SH3BGRL2: variants seen among roughly 807,000 people sequenced by gnomAD.
SH3BGRL2 encodes SH3 domain-binding glutamic acid-rich-like protein 2.
Under a neutral mutation model 14.8 loss-of-function variants are expected in SH3BGRL2, and 21 were observed. The ratio of observed to expected loss-of-function variants is 1.42; its 90% CI spans 1.01 to 2.05. SH3BGRL2 has a LOEUF of 2.05. Ranked by LOEUF, SH3BGRL2 falls within the 30% of genes most tolerant of loss-of-function variation. The pLI, the probability that SH3BGRL2 is intolerant of heterozygous loss-of-function variation, is 0.00. For missense variants in SH3BGRL2, 147 were observed against 130.8 expected (o/e 1.12, Z -0.61); for synonymous variants, 50 against 47.8 (o/e 1.05, Z -0.19).
At chr6:79,616,852 G>A in the SH3BGRL2 span, among the ~76,000 whole-genome samples, 1 of 152,180 alleles carries the variant, frequency 6.6e-6, no homozygotes, top group Admixed American at 6.5e-5. Flanking sequence ...GCATGGAGTG[G>A]TTAGTAATTC....
At chr6:79,573,058 T>C in the SH3BGRL2 span, among the ~76,000 whole-genome samples, 1 of 152,232 alleles carries the variant, frequency 6.6e-6, no homozygotes, top group East Asian at 1.9e-4. Context: ...TATTTATTGA[T>C]ATCAAAATCT....
At chr6:79,575,912 CTTTG>C in the SH3BGRL2 span, among the ~76,000 whole-genome samples, 4 of 151,674 alleles carry the variant, frequency 2.6e-5, no homozygotes, top group African/African-American at 7.3e-5. Flanking sequence ...CTTGCATTTG[CTTTG>C]TTTATTTTTA....
intron 1 of SH3BGRL2, among the ~76,000 whole-genome samples, chr6:79,661,306 G>C (rs1769542016): frequency 6.6e-6 from 1 of 152,124 alleles, no homozygotes; most frequent in Non-Finnish European, 1.5e-5. Context: ...CTTTAAATGT[G>C]TCCCATAGAT....
chr6:79,551,540 C>T, the SH3BGRL2 span, among the ~76,000 whole-genome samples: 1 of 151,980 alleles, frequency 6.6e-6, no homozygotes. Context: ...GCAACGTGGC[C>T]CTCCTGCAGG....
chr6:79,637,818 A>T (rs1236816414), intron 1 of SH3BGRL2, among the ~76,000 whole-genome samples: 1 of 152,234 alleles, frequency 6.6e-6, no homozygotes, highest in African/African-American at 2.4e-5. Flanking sequence ...TCATTGACCC[A>T]GTTATTCAAA....
chr6:79,549,338 C>T, the SH3BGRL2 span, among the ~76,000 whole-genome samples: 1 of 152,126 alleles, frequency 6.6e-6, no homozygotes, highest in African/African-American at 2.4e-5. Context: ...AGTTCAGAGG[C>T]AACATTTGCA....
the SH3BGRL2 span, among the ~76,000 whole-genome samples, chr6:79,553,663 A>G: frequency 9.2e-6 from 1 of 108,160 alleles, no homozygotes; most frequent in Non-Finnish European, 2.2e-5. Context: ...GATAATGTAC[A>G]GTTTTATGAG....
At chr6:79,621,476 C>A in the SH3BGRL2 span, among the ~76,000 whole-genome samples, 46 of 152,212 alleles carry the variant, frequency 3.0e-4, no homozygotes. Context: ...GACACTGAAT[C>A]TGCCTTGATC....
intron 1 of SH3BGRL2, among the ~76,000 whole-genome samples, chr6:79,643,677 TG>T (rs2127724483): frequency 6.6e-6 from 1 of 152,318 alleles, no homozygotes; most frequent in South Asian, 2.1e-4. Context: ...ATAATTACCC[TG>T]CCCCCTCACA....
the SH3BGRL2 span, among the ~76,000 whole-genome samples, chr6:79,615,164 C>A: frequency 3.3e-5 from 5 of 152,170 alleles, no homozygotes; most frequent in Admixed American, 1.3e-4. Context: ...AAGCATCCCA[C>A]TGCTTGGGAG....
intron 1 of SH3BGRL2, among the ~76,000 whole-genome samples, chr6:79,663,020 C>T (rs1345113033): frequency 2.0e-5 from 3 of 152,170 alleles, no homozygotes; most frequent in East Asian, 3.9e-4. Flanking sequence ...GTCTTCTCTA[C>T]ACTGCTTATT....
the SH3BGRL2 span, among the ~76,000 whole-genome samples, chr6:79,557,403 A>C: frequency 6.6e-6 from 1 of 151,966 alleles, no homozygotes; most frequent in African/African-American, 2.4e-5. Context: ...TGACAAGAAA[A>C]ATTAATTTGT....
the SH3BGRL2 span, among the ~76,000 whole-genome samples, chr6:79,600,148 A>G: frequency 3.9e-4 from 60 of 152,344 alleles, 1 homozygote; most frequent in East Asian, 8.5e-3. Context: ...GCATTATTCT[A>G]TAAAATCCCT....
At chr6:79,694,569 A>G (rs1770292128) in intron 2 of SH3BGRL2, among the ~76,000 whole-genome samples, 1 of 152,200 alleles carries the variant, frequency 6.6e-6, no homozygotes, top group Admixed American at 6.5e-5. Flanking sequence ...TCTACATCCT[A>G]GAGCCATTAG....
At chr6:79,597,229 CA>C in the SH3BGRL2 span, among the ~76,000 whole-genome samples, 145,548 of 147,612 alleles carry the variant, frequency 0.99, 71,761 homozygotes, top group East Asian at 1. Context: ...ACTCTGTCAA[CA>C]AAAAAAAAGA....
chr6:79,605,107 T>G, the SH3BGRL2 span, among the ~76,000 whole-genome samples: 3 of 152,228 alleles, frequency 2.0e-5, no homozygotes, highest in Non-Finnish European at 2.9e-5. Flanking sequence ...TTATGGCTTC[T>G]GCTTAAAGTT....
At chr6:79,567,986 T>G in the SH3BGRL2 span, among the ~76,000 whole-genome samples, 1 of 152,184 alleles carries the variant, frequency 6.6e-6, no homozygotes, top group African/African-American at 2.4e-5. Flanking sequence ...TAAAAAGATG[T>G]CCAACCTCAT....
chr6:79,625,369 G>C, the SH3BGRL2 span, among the ~76,000 whole-genome samples: 1 of 152,036 alleles, frequency 6.6e-6, no homozygotes, highest in Non-Finnish European at 1.5e-5. Flanking sequence ...ATCAAGAATA[G>C]ACAGAATTGG....
chr6:79,655,866 AC>A (rs1028745764), intron 1 of SH3BGRL2, among the ~76,000 whole-genome samples: 24 of 151,966 alleles, frequency 1.6e-4, no homozygotes, highest in African/African-American at 4.8e-4. Context: ...GGGGCTATTC[AC>A]CCCTCCATAA....
Sources: gnomAD v4.1 joint callset for allele counts (sites outside exome capture counted in the v4.1 genomes callset) on GRCh38, gnomAD v4.1.1 for gene constraint, MANE v1.5 for transcripts, NCBI Gene and HGNC (gene_info 2026-07-23, HGNC 2026-07-21) for gene names.